The following RHOC variants were observed in gnomAD, a reference collection of about 807,000 sequenced individuals.
RHOC encodes rho-related GTP-binding protein RhoC.
Under a neutral mutation model 19.5 loss-of-function variants are expected in RHOC, and 13 were observed. The observed-to-expected ratio is 0.67, with a 90% CI of 0.43 to 1.06. The LOEUF (loss-of-function observed/expected upper bound fraction) is 1.06, where lower values mean the gene tolerates loss of function less well. RHOC is among the 50% of genes least tolerant of loss of function. RHOC has a pLI of 0.00. For missense variants in RHOC, 173 were observed against 256.9 expected (o/e 0.67, Z 2.23); for synonymous variants, 106 against 97.3 (o/e 1.09, Z -0.52).
At chr1:112,705,234 G>C in intron 1 of RHOC, 66 bp from the exon 2 acceptor site, 1 of 700,556 alleles carries the variant, frequency 1.4e-6, no homozygotes, top group Non-Finnish European at 2.6e-6. Flanking sequence ...AGACAAATGA[G>C]GGCCAGTCCC....
chr1:112,705,997 G>C (rs2101467997), intron 1 of RHOC: 1 of 269,154 alleles, frequency 3.7e-6, no homozygotes, highest in South Asian at 3.8e-5. Flanking sequence ...ACAGCAGGCA[G>C]CCCAGGCCAG....
intron 5 of RHOC, 150 bp downstream of exon 5, chr1:112,702,413 G>T: frequency 1.3e-6 from 1 of 780,670 alleles, no homozygotes; most frequent in Non-Finnish European, 2.0e-6. Context: ...TACCTCATCA[G>T]ACACAACCCT....
At chr1:112,704,140 G>A (rs540968463) in intron 2 of RHOC, 30 of 259,976 alleles carry the variant, frequency 1.2e-4, no homozygotes, top group South Asian at 2.8e-4. Flanking sequence ...GATGCGGGAC[G>A]TCCAGGGAGC....
intron 2 of RHOC, chr1:112,704,811 C>A (rs777262591): frequency 2.4e-6 from 1 of 417,034 alleles, no homozygotes; most frequent in African/African-American, 2.0e-5. Flanking sequence ...ACTCAGCCCC[C>A]GGCAGGGGAC....
At chr1:112,704,323 T>C (rs1302741658) in intron 2 of RHOC, 1 of 153,124 alleles carries the variant, frequency 6.5e-6, no homozygotes, top group African/African-American at 2.4e-5. Context: ...AGGACCAGAG[T>C]AGCAGAACCA....
chr1:112,703,246 T>A (rs1318773767), intron 3 of RHOC, 127 bp from the exon 4 acceptor site: 2 of 1,017,792 alleles, frequency 2.0e-6, no homozygotes, highest in Non-Finnish European at 2.9e-6. Context: ...GCACCAGGCA[T>A]TATATTAATC....
chr1:112,701,225 G>C lies in RHOC; in HGVS notation c.*315C>G. ...CAACTCCAGGGGCCTGGGACTCTGG[G>C]TCCCCTACTGCAGACACTTTCCTGT... On this transcript the variant is annotated 3_prime_UTR_variant, in exon 6 of 6. Transcript: ENST00000339083. 1 of 644,622 alleles carries C rather than the reference G, an allele frequency of 1.6e-6. No individual in the cohort carries two copies. The highest frequency in any genetic ancestry group is 2.1e-5 in the South Asian group (1 of 47,216). The allele number at this position is 644,622 out of a possible 1,614,324, so 39.9% of individuals were successfully genotyped here.
In RHOC at chr1:112,702,872, C is replaced by T. The variant is rs888190577; in HGVS notation, c.277+127G>A. 4 of 1,393,974 alleles carry T rather than the reference C, an allele frequency of 2.9e-6. No homozygotes were observed. The African/African-American group carries it at 5.7e-5, about 20-fold the overall frequency. The allele number at this position is 1,393,974 out of a possible 1,614,324, so 86.4% of individuals were successfully genotyped here. On this transcript the variant is annotated intron_variant, in intron 4 of 5. Coordinates refer to ENST00000339083, the MANE Select transcript of RHOC (RefSeq NM_175744.5). Reference sequence around the variant, plus strand: ...GGGCCAGTTACCACAGTAAAGGAGACCAACAGGGCCTGAGTGCTCCCCTGC... The same window carrying T: ...GGGCCAGTTACCACAGTAAAGGAGATCAACAGGGCCTGAGTGCTCCCCTGC...
rs1318900093 is a variant in RHOC, at chr1:112,701,380, C to T, written c.*160G>A. 1.1e-5 allele frequency: 17 copies of T among 1,531,422 alleles called. No individual in the cohort carries two copies. In the African/African-American group the frequency reaches 1.2e-4, roughly 11 times the overall value. The allele number at this position is 1,531,422 out of a possible 1,614,324, so 94.9% of individuals were successfully genotyped here. ...TCCCAGAGCGCTGGGAGGGAGGGCC[C>T]GTGCCACCACCTCGGGGCTAGAAAA... On this transcript the variant is annotated 3_prime_UTR_variant, in exon 6 of 6. Transcript: ENST00000339083.
At chr1:112,706,502 A>ACCCC (rs1557780885) in intron 1 of RHOC, among the ~76,000 whole-genome samples, 3 of 64,260 alleles carry the variant, frequency 4.7e-5, no homozygotes, top group African/African-American at 1.3e-4. Context: ...ACACACACAC[A>ACCCC]CACACACACA....
chr1:112,705,611 G>A (rs890211414), intron 1 of RHOC: 3 of 459,930 alleles, frequency 6.5e-6, no homozygotes, highest in South Asian at 1.5e-5. Context: ...TCACCCTGTC[G>A]GCAGATCGCC....
intron 1 of RHOC, among the ~76,000 whole-genome samples, chr1:112,706,484 A>ACCCC (rs1557780746): frequency 6.5e-5 from 1 of 15,416 alleles, no homozygotes; most frequent in African/African-American, 2.1e-4. Context: ...ACACACACAC[A>ACCCC]CACACACACA....
At chr1:112,705,688 G>C (rs2101467503) in intron 1 of RHOC, 1 of 456,260 alleles carries the variant, frequency 2.2e-6, no homozygotes, top group Non-Finnish European at 4.4e-6. Flanking sequence ...GACTGACGCT[G>C]GGATTTCTTC....
chr1:112,706,462 CACCACACACACACACACACACA>C (rs1674868307), intron 1 of RHOC, among the ~76,000 whole-genome samples: 47 of 17,142 alleles, frequency 2.7e-3, no homozygotes, highest in East Asian at 5.8e-3. Flanking sequence ...CACACACACA[CACCACACACACACACACACACA>C]CACACACACA....
At chr1:112,706,456 CACACACACCACACA>C (rs1674860216) in intron 1 of RHOC, among the ~76,000 whole-genome samples, 1 of 24,866 alleles carries the variant, frequency 4.0e-5, no homozygotes, top group African/African-American at 1.1e-4. Context: ...CACACACACA[CACACACACCACACA>C]CACACACACA....
intron 1 of RHOC, chr1:112,706,618 C>A (rs1035865887): frequency 3.9e-5 from 6 of 152,408 alleles, no homozygotes; most frequent in African/African-American, 1.4e-4. Flanking sequence ...CCAGACCCTG[C>A]CGAGCAGTGG....
chr1:112,705,137 G>C lies in RHOC; in HGVS notation c.-45C>G, dbSNP rs954591982. The C allele has an allele frequency of 1.4e-6, 1 of 702,502 alleles. No individual in the cohort carries two copies. Among genetic ancestry groups the C allele is most frequent in the Non-Finnish European group, 2.6e-6 (1 of 384,880 alleles). The allele number at this position is 702,502 out of a possible 1,614,324, so 43.5% of individuals were successfully genotyped here. On this transcript the variant is annotated 5_prime_UTR_variant, in exon 2 of 6. Transcript: ENST00000339083. ...GAAGTTCCCAGGCTGCAGGAAGAGAGGGCGGGCTCTGGAGCTGAGATGAAG... is the reference window on the plus strand; with the variant it reads ...GAAGTTCCCAGGCTGCAGGAAGAGACGGCGGGCTCTGGAGCTGAGATGAAG...
rs1674617233 is a variant in RHOC at position 112,701,340 on chromosome 1, G to A, written c.*200C>T. On this transcript the variant is annotated 3_prime_UTR_variant, in exon 6 of 6. Transcript: ENST00000339083. ...TCCCCAGGGGCCCTGAGGAAGGGCA[G>A]GGCATAGGCGTGGCTCCCAGAGCGC... The A allele has an allele frequency of 4.8e-6, 7 of 1,459,462 alleles. No individual in the cohort carries two copies. The Admixed American group carries it at 9.0e-5, about 19-fold the overall frequency. 90.4% of individuals were successfully genotyped at this position (1,459,462 alleles called of 1,614,324 possible).
intron 4 of RHOC, 139 bp from the exon 5 acceptor site, chr1:112,702,832 T>C (rs759864919): frequency 6.8e-5 from 93 of 1,360,852 alleles, no homozygotes; most frequent in East Asian, 1.4e-4. Flanking sequence ...ACCTCAACAG[T>C]AGTATGCCCT....
Sources: allele counts gnomAD v4.1 joint callset (sites outside exome capture counted in the v4.1 genomes callset), GRCh38; gene constraint gnomAD v4.1.1; transcripts MANE v1.5; gene names NCBI Gene and HGNC (gene_info 2026-07-23, HGNC 2026-07-21).